POC1A: variants seen among roughly 807,000 people sequenced by gnomAD.
POC1A encodes the protein POC1 centriolar protein A.
A neutral mutation model predicts 47.8 loss-of-function variants in POC1A; 34 were observed. The ratio of observed to expected loss-of-function variants is 0.71; its 90% CI spans 0.54 to 0.95. The LOEUF (loss-of-function observed/expected upper bound fraction) is 0.95, where lower values mean the gene tolerates loss of function less well. Among genes scored for constraint, POC1A ranks in the 40% least tolerant of loss-of-function variants. The pLI, the probability that POC1A is intolerant of heterozygous loss-of-function variation, is 0.00. For missense variants in POC1A, 466 were observed against 528.3 expected (o/e 0.88, Z 1.16); for synonymous variants, 177 against 207.6 (o/e 0.85, Z 1.27).
At chr3:52,107,832 T>G (rs965316753) in intron 9 of POC1A, among the ~76,000 whole-genome samples, 2 of 152,218 alleles carry the variant, frequency 1.3e-5, no homozygotes, top group African/African-American at 4.8e-5. Flanking sequence ...AGGACAATGA[T>G]CAGACCAGGA....
intron 1 of POC1A, 63 bp from the exon 2 acceptor site, chr3:52,151,163 G>C: frequency 6.2e-7 from 1 of 1,607,208 alleles, no homozygotes; most frequent in Non-Finnish European, 8.5e-7. Flanking sequence ...CCCAGGGCCA[G>C]CACTCTTCCT....
chr3:52,077,422 G>A (rs1035169904), intron 10 of POC1A, among the ~76,000 whole-genome samples: 16 of 152,386 alleles, frequency 1.0e-4, no homozygotes, highest in African/African-American at 3.8e-4. Context: ...TAGCTGCCAT[G>A]GAGGGTGCTC....
intron 4 of POC1A, 137 bp downstream of exon 4, chr3:52,149,073 A>T: frequency 1.5e-6 from 1 of 658,942 alleles, no homozygotes; most frequent in Non-Finnish European, 2.7e-6. Context: ...TTTTACAGAT[A>T]AGGAAACCGA....
intron 7 of POC1A, among the ~76,000 whole-genome samples, chr3:52,125,392 C>A (rs1212770320): frequency 2.6e-5 from 4 of 152,200 alleles, no homozygotes; most frequent in Non-Finnish European, 4.4e-5. Flanking sequence ...CTGAGCACTA[C>A]AACAGGGACA....
At chr3:52,138,078 G>GT (rs1704540327) in intron 7 of POC1A, 91 bp downstream of exon 7, 6 of 1,388,190 alleles carry the variant, frequency 4.3e-6, no homozygotes, top group Admixed American at 1.7e-5. Flanking sequence ...GGCTGTGTGG[G>GT]TGACAAGCCT....
At chr3:52,078,713 G>A (rs1265790814) in intron 10 of POC1A, among the ~76,000 whole-genome samples, 4 of 152,030 alleles carry the variant, frequency 2.6e-5, no homozygotes, top group East Asian at 3.9e-4. Flanking sequence ...GGGTTTCACC[G>A]TGGTCTCGAT....
intron 7 of POC1A, among the ~76,000 whole-genome samples, chr3:52,127,032 G>A (rs1223385411): frequency 6.6e-6 from 1 of 152,170 alleles, no homozygotes; most frequent in Non-Finnish European, 1.5e-5. Flanking sequence ...AAAGCCTCTG[G>A]CCTACACTTG....
intron 9 of POC1A, among the ~76,000 whole-genome samples, chr3:52,101,208 C>G (rs1702995127): frequency 6.6e-6 from 1 of 151,782 alleles, no homozygotes; most frequent in Non-Finnish European, 1.5e-5. Flanking sequence ...GCCCACAGGG[C>G]TGGCTGAAAG....
intron 8 of POC1A, among the ~76,000 whole-genome samples, chr3:52,123,841 C>T (rs1421547854): frequency 2.0e-5 from 3 of 152,210 alleles, no homozygotes; most frequent in Admixed American, 2.0e-4. Context: ...TTTGATTCTA[C>T]CATGACTCTA....
At chr3:52,125,271 C>T in intron 7 of POC1A, 90 bp from the exon 8 acceptor site, 1 of 1,103,190 alleles carries the variant, frequency 9.1e-7, no homozygotes, top group Non-Finnish European at 1.4e-6. Context: ...TGAATGAAAG[C>T]AGCAGCAGGA....
At chr3:52,089,142 G>A (rs759472501) in intron 10 of POC1A, among the ~76,000 whole-genome samples, 7 of 151,938 alleles carry the variant, frequency 4.6e-5, no homozygotes, top group Non-Finnish European at 8.8e-5. Flanking sequence ...GCCCGTTTTT[G>A]AGTGCTGTTC....
chr3:52,127,545 C>T (rs1704052417), intron 7 of POC1A, among the ~76,000 whole-genome samples: 1 of 151,736 alleles, frequency 6.6e-6, no homozygotes, highest in Non-Finnish European at 1.5e-5. Flanking sequence ...TGCCCGCCAC[C>T]ACGCCCAGCT....
chr3:52,131,829 C>G (rs974716175), intron 7 of POC1A, among the ~76,000 whole-genome samples: 7 of 152,092 alleles, frequency 4.6e-5, no homozygotes, highest in Non-Finnish European at 7.4e-5. Context: ...CTGAGAGATT[C>G]CGAAGGTGCA....
intron 6 of POC1A, among the ~76,000 whole-genome samples, chr3:52,142,505 G>C (rs1698230396): frequency 6.6e-6 from 1 of 152,206 alleles, no homozygotes. Flanking sequence ...AGCAGGAACA[G>C]GAAGTGCCCT....
Position 52,137,606 on chromosome 3 carries a change from C to T in POC1A, c.813+563G>A, listed in dbSNP as rs550364585. ...CTGCATGTGGCCTACTTCCCACAGC[C>T]GGCCCCCAGGGACCCAGCCCACCCA... On this transcript the variant is annotated intron_variant, in intron 7 of 10. Coordinates refer to ENST00000296484, the MANE Select transcript of POC1A (RefSeq NM_015426.5). Among the ~76,000 whole-genome samples, 6 of 152,136 alleles carry T rather than the reference C, an allele frequency of 3.9e-5. No individual in the cohort carries two copies. In the East Asian group the frequency reaches 7.7e-4, roughly 20 times the overall value.
chr3:52,148,525 T>A (rs549048256), intron 4 of POC1A, among the ~76,000 whole-genome samples: 1 of 152,372 alleles, frequency 6.6e-6, no homozygotes, highest in East Asian at 1.9e-4. Flanking sequence ...GAAGTAGGAC[T>A]ATCTGTCTGC....
intron 10 of POC1A, among the ~76,000 whole-genome samples, chr3:52,089,702 T>C (rs1702582806): frequency 6.6e-6 from 1 of 152,158 alleles, no homozygotes; most frequent in South Asian, 2.1e-4. Context: ...TGACTTTCAC[T>C]CTATACCCTC....
intron 7 of POC1A, among the ~76,000 whole-genome samples, chr3:52,137,766 C>G (rs1282528494): frequency 6.6e-6 from 1 of 152,180 alleles, no homozygotes; most frequent in Non-Finnish European, 1.5e-5. Context: ...TGCAAGACAC[C>G]TGAGGTTGCC....
chr3:52,135,145 C>T (rs1434744194), intron 7 of POC1A, among the ~76,000 whole-genome samples: 1 of 152,234 alleles, frequency 6.6e-6, no homozygotes, highest in Non-Finnish European at 1.5e-5. Context: ...GGCCTCCAGC[C>T]AGGCCCTCAT....
Sources: gnomAD v4.1 joint callset for allele counts (sites outside exome capture counted in the v4.1 genomes callset) on GRCh38, gnomAD v4.1.1 for gene constraint, MANE v1.5 for transcripts, NCBI Gene and HGNC (gene_info 2026-07-23, HGNC 2026-07-21) for gene names.